Variants in DNAJC1 observed in about 807,000 individuals in gnomAD.
The protein encoded by DNAJC1 is dnaJ homolog subfamily C member 1.
A neutral mutation model predicts 76.6 loss-of-function variants in DNAJC1; 58 were observed. That is an observed-to-expected ratio of 0.76 (90% confidence interval 0.61 to 0.94). DNAJC1 has a LOEUF of 0.94. Ranked by LOEUF, DNAJC1 falls within the 40% of genes least tolerant of loss-of-function variation. DNAJC1 has a pLI of 0.00. For missense variants in DNAJC1, 689 were observed against 677.3 expected (o/e 1.02, Z -0.19); for synonymous variants, 258 against 267.9 (o/e 0.96, Z 0.36).
At chr10:21,988,006 A>G (rs1174961439) in intron 1 of DNAJC1, among the ~76,000 whole-genome samples, 1 of 152,126 alleles carries the variant, frequency 6.6e-6, no homozygotes, top group Non-Finnish European at 1.5e-5. Context: ...TGTAGTTTTC[A>G]CATATATTAC....
chr10:21,788,414 C>T (rs1320837114), intron 9 of DNAJC1, among the ~76,000 whole-genome samples: 1 of 152,212 alleles, frequency 6.6e-6, no homozygotes, highest in East Asian at 1.9e-4. Context: ...ATGTACTACC[C>T]TTTGTCTCAG....
intron 9 of DNAJC1, among the ~76,000 whole-genome samples, chr10:21,774,905 T>C (rs575187661): frequency 1.3e-5 from 2 of 152,362 alleles, no homozygotes; most frequent in South Asian, 4.1e-4. Flanking sequence ...ACTGATATTC[T>C]AGTATTAGAA....
At chr10:21,930,735 T>C (rs1837208348) in intron 1 of DNAJC1, among the ~76,000 whole-genome samples, 2 of 152,206 alleles carry the variant, frequency 1.3e-5, no homozygotes, top group Admixed American at 1.3e-4. Flanking sequence ...ACATGTTCCC[T>C]ACATAGACTA....
intron 8 of DNAJC1, among the ~76,000 whole-genome samples, chr10:21,828,482 T>C (rs984139277): frequency 6.6e-6 from 1 of 152,244 alleles, no homozygotes; most frequent in Non-Finnish European, 1.5e-5. Flanking sequence ...GTTTCACCTA[T>C]TGGCAGCGGG....
chr10:21,813,049 A>ACG (rs1294784386), intron 8 of DNAJC1, among the ~76,000 whole-genome samples: 5 of 143,948 alleles, frequency 3.5e-5, no homozygotes, highest in Non-Finnish European at 7.5e-5. Context: ...ACACACACAC[A>ACG]CACATATATA....
chr10:21,830,190 T>C (rs536511599), intron 8 of DNAJC1, among the ~76,000 whole-genome samples: 1 of 152,356 alleles, frequency 6.6e-6, no homozygotes, highest in South Asian at 2.1e-4. Flanking sequence ...TTTCCCTGTT[T>C]TGTCACAACT....
chr10:21,782,123 A>G (rs1834537996), intron 9 of DNAJC1, among the ~76,000 whole-genome samples: 1 of 152,222 alleles, frequency 6.6e-6, no homozygotes, highest in Admixed American at 6.5e-5. Flanking sequence ...TTTTGAAAAG[A>G]TCAACAAAAT....
At chr10:21,883,174 C>T (rs867609459) in intron 7 of DNAJC1, among the ~76,000 whole-genome samples, 13 of 151,570 alleles carry the variant, frequency 8.6e-5, no homozygotes, top group South Asian at 6.3e-4. Context: ...CACTTGAGCC[C>T]AGGAGGTGGA....
chr10:21,825,915 A>C (rs530226339), intron 8 of DNAJC1, among the ~76,000 whole-genome samples: 8 of 152,290 alleles, frequency 5.3e-5, no homozygotes, highest in Admixed American at 5.2e-4. Context: ...TATTGTGGTT[A>C]TTAATCCCCT....
intron 1 of DNAJC1, among the ~76,000 whole-genome samples, chr10:21,963,729 T>C (rs1041251597): frequency 1.3e-5 from 2 of 152,256 alleles, no homozygotes; most frequent in African/African-American, 4.8e-5. Flanking sequence ...TTTTGTCATT[T>C]ATTTTTTCAT....
chr10:21,841,089 T>C (rs1025140772), intron 8 of DNAJC1, among the ~76,000 whole-genome samples: 1 of 152,214 alleles, frequency 6.6e-6, no homozygotes, highest in Non-Finnish European at 1.5e-5. Flanking sequence ...TTACACCTTA[T>C]ACAAACATTA....
chr10:21,863,533 A>C (rs946893239), intron 8 of DNAJC1, among the ~76,000 whole-genome samples: 1 of 152,128 alleles, frequency 6.6e-6, no homozygotes, highest in Non-Finnish European at 1.5e-5. Context: ...ACATAAAAAA[A>C]ATAGACAAAA....
intron 8 of DNAJC1, among the ~76,000 whole-genome samples, chr10:21,814,282 C>G (rs1204519139): frequency 2.6e-5 from 4 of 152,174 alleles, no homozygotes; most frequent in Non-Finnish European, 4.4e-5. Context: ...TAAAGGCATC[C>G]TTATTGTTCC....
intron 9 of DNAJC1, among the ~76,000 whole-genome samples, chr10:21,767,421 TTCTC>T (rs1223228030): frequency 2.0e-5 from 3 of 152,224 alleles, no homozygotes; most frequent in African/African-American, 7.2e-5. Flanking sequence ...TATCTTCTCT[TTCTC>T]TGTCAACTTA....
chr10:21,941,055 T>C (rs1205424984), intron 1 of DNAJC1, among the ~76,000 whole-genome samples: 2 of 135,216 alleles, frequency 1.5e-5, no homozygotes, highest in Admixed American at 8.2e-5. Flanking sequence ...ATCGAGACCA[T>C]CCTGGCTAAC....
chr10:21,803,226 T>C (rs1242132218), intron 9 of DNAJC1, among the ~76,000 whole-genome samples: 1 of 152,094 alleles, frequency 6.6e-6, no homozygotes, highest in Non-Finnish European at 1.5e-5. Flanking sequence ...CAATTGTTTC[T>C]TGAAGGAAAG....
At chr10:21,901,616 C>G (rs769006037) in intron 7 of DNAJC1, among the ~76,000 whole-genome samples, 6 of 152,022 alleles carry the variant, frequency 3.9e-5, no homozygotes, top group Non-Finnish European at 1.5e-5. Flanking sequence ...TTTTCACTGC[C>G]CCCCATATCT....
At chr10:21,908,026 A>C (rs1464871333) in intron 6 of DNAJC1, among the ~76,000 whole-genome samples, 2 of 38,326 alleles carry the variant, frequency 5.2e-5, no homozygotes, top group Non-Finnish European at 7.8e-5. Context: ...AATATATATA[A>C]ATATATAATA....
At chr10:21,953,944 A>T (rs1590065036) in intron 1 of DNAJC1, among the ~76,000 whole-genome samples, 1 of 149,630 alleles carries the variant, frequency 6.7e-6, no homozygotes, top group Middle Eastern at 3.6e-3. Context: ...TTTGCTATTT[A>T]TTGTTTAAAT....
Sources: allele counts gnomAD v4.1 joint callset (sites outside exome capture counted in the v4.1 genomes callset), GRCh38; gene constraint gnomAD v4.1.1; transcripts MANE v1.5; gene names NCBI Gene and HGNC (gene_info 2026-07-23, HGNC 2026-07-21).